Variants in DAPK2 observed in about 807,000 individuals in gnomAD.
DAPK2 encodes the protein death-associated protein kinase 2.
DAPK2 carries 35 observed loss-of-function variants against 44.1 expected under a neutral mutation model. The observed-to-expected ratio is 0.79, with a 90% CI of 0.61 to 1.05. The LOEUF is 1.05. Among genes scored for constraint, DAPK2 ranks in the 50% least tolerant of loss-of-function variants. The pLI is 0.00. For synonymous variants in DAPK2, 174 were observed against 182.6 expected, an observed-to-expected ratio of 0.95 and a Z score of 0.38; for missense variants, 453 against 483.2, an observed-to-expected ratio of 0.94 and a Z score of 0.59.
At chr15:63,915,458 C>T (rs997189908) in intron 8 of DAPK2, among the ~76,000 whole-genome samples, 3 of 152,214 alleles carry the variant, frequency 2.0e-5, no homozygotes, top group African/African-American at 7.2e-5. Context: ...GGAGAGTTTG[C>T]TCAGATGGGA....
Position 63,980,522 on chromosome 15 carries a change from T to C in DAPK2, c.314+3011A>G, listed in dbSNP as rs1164020529. Among the ~76,000 whole-genome samples the C allele has an allele frequency of 6.6e-6, 1 of 152,212 alleles. No homozygotes were observed. Among genetic ancestry groups the C allele is most frequent in the Non-Finnish European group, 1.5e-5 (1 of 68,036 alleles). ...CACCATCTTTGAAAAGTGAGGATAT[T>C]GAGTCCCAAAAATGTCAGCCTTTGG... On this transcript the variant is annotated intron_variant, in intron 2 of 10. Transcript: ENST00000261891. This position sits in a 1 kb window ranked among gnomAD's most constrained non-coding sequence, Gnocchi z 4.3.
chr15:64,043,026 T>C (rs1868444), upstream of DAPK2, among the ~76,000 whole-genome samples: 30,178 of 152,198 alleles, frequency 0.2, 3,079 homozygotes, highest in South Asian at 0.25. Context: ...ATAGATTCCA[T>C]AGTCATCACA....
At chr15:63,942,087 G>T in intron 3 of DAPK2, 1 of 411,086 alleles carries the variant, frequency 2.4e-6, no homozygotes, top group Non-Finnish European at 3.3e-6. Context: ...ACCACACGCT[G>T]AATGGGGGTG....
chr15:64,026,982 G>A (rs1234070005), intron 1 of DAPK2, among the ~76,000 whole-genome samples: 6 of 152,128 alleles, frequency 3.9e-5, no homozygotes, highest in Non-Finnish European at 8.8e-5. Context: ...GTGGCTCACC[G>A]CCTGTAATCC....
At chr15:63,962,287 A>G (rs2077925814) in intron 3 of DAPK2, among the ~76,000 whole-genome samples, 1 of 152,278 alleles carries the variant, frequency 6.6e-6, no homozygotes, top group South Asian at 2.1e-4. Flanking sequence ...ATGGGTTCGA[A>G]CATCCTCCTT....
At chr15:63,938,653 C>G (rs1563886) in intron 4 of DAPK2, among the ~76,000 whole-genome samples, 67,430 of 152,040 alleles carry the variant, frequency 0.44, 16,740 homozygotes, top group East Asian at 0.92. Flanking sequence ...AATCTCCGGC[C>G]CAAGCCCTAT....
At chr15:63,921,752 T>A (rs2079078129) in intron 8 of DAPK2, 1 of 152,226 alleles carries the variant, frequency 6.6e-6, no homozygotes, top group African/African-American at 2.4e-5. Flanking sequence ...GCCTTTATTC[T>A]CGACACAGAG....
At chr15:64,016,878 AGG>A (rs1177694390) in intron 1 of DAPK2, among the ~76,000 whole-genome samples, 1 of 145,482 alleles carries the variant, frequency 6.9e-6, no homozygotes, top group East Asian at 1.9e-4. Flanking sequence ...GAAGGAAGGA[AGG>A]AAGGAAGGAA....
intron 2 of DAPK2, among the ~76,000 whole-genome samples, chr15:63,981,701 G>T (rs914519226): frequency 2.7e-5 from 4 of 150,486 alleles, no homozygotes; most frequent in Non-Finnish European, 4.4e-5. Context: ...GAAGTGGCTC[G>T]GCCTTTCCAG....
chr15:63,963,915 T>C (rs1178307247), intron 3 of DAPK2, among the ~76,000 whole-genome samples: 1 of 152,262 alleles, frequency 6.6e-6, no homozygotes, highest in Non-Finnish European at 1.5e-5. Context: ...GTACTGTCTG[T>C]CTTGAAACAT....
chr15:63,936,979 CAA>C lies in DAPK2; in HGVS notation c.583+2251_583+2252del, dbSNP rs56052031. Among the ~76,000 whole-genome samples the C allele has an allele frequency of 3.8e-3, 499 of 129,824 alleles. 3 individuals carry two copies. Among genetic ancestry groups the C allele is most frequent in the African/African-American group, 0.013 (443 of 34,624 alleles). 85.2% of individuals were successfully genotyped at this position (129,824 alleles called of 152,430 possible). On this transcript the variant is annotated intron_variant, in intron 4 of 10. Transcript: ENST00000261891. ...TGGGTGACAGAGTGAGACCCTGTCTCAAAAAAAAAAAAAAAAAAAAATCCAAT... is the reference window on the plus strand; with the variant it reads ...TGGGTGACAGAGTGAGACCCTGTCTCAAAAAAAAAAAAAAAAAAATCCAAT...
intron 1 of DAPK2, among the ~76,000 whole-genome samples, chr15:64,031,596 A>AG (rs1240315696): frequency 6.6e-6 from 1 of 152,232 alleles, no homozygotes; most frequent in African/African-American, 2.4e-5. Context: ...AATACAAGCA[A>AG]GCATGTGTAT....
At chr15:63,971,398 C>G (rs777049207) in intron 3 of DAPK2, 25 bp downstream of exon 4, 2 of 1,613,140 alleles carry the variant, frequency 1.2e-6, no homozygotes, top group African/African-American at 1.3e-5. Context: ...AAACTTGATT[C>G]TTTTCCCTTT....
intron 2 of DAPK2, 77 bp downstream of exon 3, chr15:63,983,456 G>C (rs971028717): frequency 1.4e-6 from 2 of 1,386,566 alleles, no homozygotes; most frequent in East Asian, 4.6e-5. Flanking sequence ...GCCCCCTGGG[G>C]CCTGTGGCTG....
At chr15:63,956,274 T>C (rs1034645728) in intron 3 of DAPK2, among the ~76,000 whole-genome samples, 1 of 152,300 alleles carries the variant, frequency 6.6e-6, no homozygotes, top group East Asian at 1.9e-4. Flanking sequence ...TATTGTTTTC[T>C]TCATTTCACT....
At chr15:63,987,074 T>C (rs2078686934) in intron 1 of DAPK2, among the ~76,000 whole-genome samples, 1 of 152,210 alleles carries the variant, frequency 6.6e-6, no homozygotes, top group Non-Finnish European at 1.5e-5. Flanking sequence ...AACTGCTGTG[T>C]TATGAATATG....
At chr15:63,945,467 T>C (rs531973438) in intron 3 of DAPK2, among the ~76,000 whole-genome samples, 2 of 152,264 alleles carry the variant, frequency 1.3e-5, no homozygotes, top group Admixed American at 1.3e-4. Context: ...GGCTCCAGAG[T>C]GCATTCCTCC....
chr15:63,991,395 T>A (rs1368541955), intron 1 of DAPK2: 1 of 452,476 alleles, frequency 2.2e-6, no homozygotes, highest in Non-Finnish European at 4.4e-6. Context: ...ATGACTCTTC[T>A]CCCAGCTAAT....
chr15:63,953,092 T>C (rs2077634645), intron 3 of DAPK2, among the ~76,000 whole-genome samples: 2 of 152,100 alleles, frequency 1.3e-5, no homozygotes, highest in African/African-American at 2.4e-5. Context: ...TTGAGTAGTA[T>C]ACAATGAACC....
Sources: gnomAD v4.1 joint callset for allele counts (sites outside exome capture counted in the v4.1 genomes callset) on GRCh38, gnomAD v4.1.1 for gene constraint, Gnocchi (gnomAD v3.1) non-coding constraint, MANE v1.5 for transcripts, NCBI Gene and HGNC (gene_info 2026-07-23, HGNC 2026-07-21) for gene names.